The following KMO variants were observed in gnomAD, a reference collection of about 807,000 sequenced individuals.
KMO encodes the protein kynurenine 3-monooxygenase.
KMO carries 24 observed loss-of-function variants against 57.8 expected under a neutral mutation model. That is an observed-to-expected ratio of 0.42 (90% CI 0.30 to 0.58). The LOEUF is 0.58. KMO is among the 20% of genes least tolerant of loss of function. KMO has a pLI of 0.22. For synonymous variants in KMO, 210 were observed against 193.6 expected, an observed-to-expected ratio of 1.08 and a Z score of -0.70; for missense variants, 483 against 588.2, an observed-to-expected ratio of 0.82 and a Z score of 1.85.
chr1:241,593,945 C>A lies in KMO; in HGVS notation c.*1792C>A, dbSNP rs550696432. 1.8e-4 allele frequency: 28 copies of A among 154,700 alleles called. No individual in the cohort carries two copies. Among genetic ancestry groups the A allele is most frequent in the Non-Finnish European group, 2.4e-4 (17 of 69,584 alleles). 9.6% of individuals were successfully genotyped at this position (154,700 alleles called of 1,614,324 possible). On this transcript the variant is annotated 3_prime_UTR_variant, in exon 15 of 15. Transcript: ENST00000366559. ...CTTTTGTTTCCAACAAGAGGATTTT[C>A]TTTTTCATTCTAGAATTATCTCCTT...
At chr1:241,570,359 A>G (rs1662229560) in intron 10 of KMO, among the ~76,000 whole-genome samples, 1 of 152,054 alleles carries the variant, frequency 6.6e-6, no homozygotes, top group African/African-American at 2.4e-5. Context: ...TGCCCAGACC[A>G]CTGTCTTGGA....
chr1:241,533,895 G>A (rs561051780), intron 1 of KMO, among the ~76,000 whole-genome samples: 74 of 152,310 alleles, frequency 4.9e-4, no homozygotes, highest in Non-Finnish European at 9.6e-4. Flanking sequence ...AACTAACTAC[G>A]TGAAGATCTT....
chr1:241,594,631 T>C lies in KMO; in HGVS notation c.*2478T>C. ...TCACTTCCAGCTGCTGGTAGGTCTT[T>C]AGCAGGCCTCTGGCACCTCAGCAGT... On this transcript the variant is annotated 3_prime_UTR_variant, in exon 15 of 15. Coordinates refer to ENST00000366559, the MANE Select transcript of KMO (RefSeq NM_003679.5). 1 of 1,614,132 alleles carries C rather than the reference T, an allele frequency of 6.2e-7. No homozygotes were observed. Among genetic ancestry groups the C allele is most frequent in the Non-Finnish European group, 8.5e-7 (1 of 1,179,980 alleles).
At chr1:241,583,107 A>G (rs1391872769) in intron 10 of KMO, among the ~76,000 whole-genome samples, 9 of 152,144 alleles carry the variant, frequency 5.9e-5, no homozygotes, top group Non-Finnish European at 1.2e-4. Context: ...TACTAGGCAA[A>G]GTATCTCAGT....
intron 9 of KMO, among the ~76,000 whole-genome samples, chr1:241,568,052 G>A (rs916529785): frequency 1.3e-5 from 2 of 152,060 alleles, no homozygotes; most frequent in Non-Finnish European, 2.9e-5. Flanking sequence ...TCCCCCAAAT[G>A]CTAGTTTTAT....
chr1:241,593,789 G>T lies in KMO; in HGVS notation c.*1636G>T, dbSNP rs1231275725. On this transcript the variant is annotated 3_prime_UTR_variant, in exon 15 of 15. Coordinates refer to ENST00000366559, the MANE Select transcript of KMO (RefSeq NM_003679.5). ...AAGAAAAAGAGCTTTGAGTCTGTAG[G>T]GGCAGCAATTTGGGGGAAGCAAATA... 6.5e-6 allele frequency: 1 copy of T among 154,336 alleles called. No homozygotes were observed. Among genetic ancestry groups the T allele is most frequent in the African/African-American group, 2.4e-5 (1 of 41,426 alleles). The allele number at this position is 154,336 out of a possible 1,614,324, so 9.6% of individuals were successfully genotyped here. A position where few individuals can be genotyped will look rare whatever the true frequency, so the allele number is the denominator to read the frequency against.
At chr1:241,581,000 TG>T (rs1488235473) in intron 10 of KMO, among the ~76,000 whole-genome samples, 2 of 152,158 alleles carry the variant, frequency 1.3e-5, no homozygotes, top group Non-Finnish European at 2.9e-5. Context: ...TTTCTATATC[TG>T]GGTGCTCCTG....
chr1:241,573,097 T>C (rs1202099411), intron 10 of KMO, among the ~76,000 whole-genome samples: 1 of 152,162 alleles, frequency 6.6e-6, no homozygotes, highest in East Asian at 1.9e-4. Flanking sequence ...ACAATAAATA[T>C]ACACATGCAA....
chr1:241,580,116 G>T (rs546990434), intron 10 of KMO, among the ~76,000 whole-genome samples: 76 of 152,246 alleles, frequency 5.0e-4, no homozygotes, highest in Admixed American at 1.1e-3. Flanking sequence ...ACACTTTGAG[G>T]ACTTAACAAT....
chr1:241,552,006 T>A (rs1400269423), intron 4 of KMO, among the ~76,000 whole-genome samples: 1 of 117,588 alleles, frequency 8.5e-6, no homozygotes, highest in African/African-American at 2.9e-5. Flanking sequence ...AGGAATGTCC[T>A]GAGGAAGGCC....
chr1:241,564,645 G>T (rs943360970), intron 7 of KMO, among the ~76,000 whole-genome samples: 11 of 151,974 alleles, frequency 7.2e-5, no homozygotes, highest in Non-Finnish European at 1.6e-4. Flanking sequence ...ATATGTGCAT[G>T]TGTGTGTACA....
At position 241,548,902 on chromosome 1, in the gene KMO, C is replaced by G. The variant is rs535381265; in HGVS notation, c.124+4C>G. 4.4e-6 allele frequency: 7 copies of G among 1,597,280 alleles called. No individual in the cohort carries two copies. The highest frequency in any genetic ancestry group is 6.0e-6 in the Non-Finnish European group (7 of 1,165,806). On this transcript the variant is annotated splice_donor_region_variant and intron_variant, in intron 2 of 14. Transcript: ENST00000366559. ...GATGTATATGAAGCTAGGGAAGGTA[C>G]GTCCATGGTGAAAAAAGCAGGATGA...
At chr1:241,585,180 G>A (rs139909348) in intron 10 of KMO, among the ~76,000 whole-genome samples, 3,011 of 152,188 alleles carry the variant, frequency 0.02, 51 homozygotes, top group Non-Finnish European at 0.026. Flanking sequence ...AGTGAGCCGA[G>A]ATTGTGCCAC....
rs1663448014 is a variant in KMO, at chr1:241,594,768, T to C, written c.*2615T>C. 3 of 1,517,386 alleles carry C rather than the reference T, an allele frequency of 2.0e-6. No homozygotes were observed. The highest frequency in any genetic ancestry group is 2.7e-6 in the Non-Finnish European group (3 of 1,121,894). 94.0% of individuals were successfully genotyped at this position (1,517,386 alleles called of 1,614,324 possible). On this transcript the variant is annotated 3_prime_UTR_variant, in exon 15 of 15. Transcript: ENST00000366559. ...CTGGATTAACATTCGAGGAAATCAG[T>C]TGAGCTGAATTTAAGTTGTTTTTTG...
chr1:241,580,354 G>A lies in KMO; in HGVS notation c.958-6325G>A, dbSNP rs568762481. On this transcript the variant is annotated intron_variant, in intron 10 of 14. Transcript: ENST00000366559. Reference sequence around the variant, plus strand: ...CATTGCCTCCAATTCACTGTCTTAGGGGGAAAGATTTTTTCTTTCTTCAAC... The same window carrying A: ...CATTGCCTCCAATTCACTGTCTTAGAGGGAAAGATTTTTTCTTTCTTCAAC... 7.9e-5 allele frequency among the ~76,000 whole-genome samples: 12 copies of A among 152,144 alleles called. No homozygotes were observed. In the East Asian group the frequency reaches 1.9e-3, roughly 24 times the overall value.
intron 10 of KMO, among the ~76,000 whole-genome samples, chr1:241,579,848 C>A (rs1338151292): frequency 6.6e-6 from 1 of 152,170 alleles, no homozygotes; most frequent in Non-Finnish European, 1.5e-5. Flanking sequence ...TTCTCTCAAC[C>A]TGTGACTGCT....
chr1:241,582,210 C>T (rs2147979299), intron 10 of KMO, among the ~76,000 whole-genome samples: 1 of 152,134 alleles, frequency 6.6e-6, no homozygotes, highest in South Asian at 2.1e-4. Flanking sequence ...TATCCTTGAC[C>T]TTTGAGAGTT....
intron 7 of KMO, among the ~76,000 whole-genome samples, chr1:241,563,784 T>C (rs1209612706): frequency 6.6e-6 from 1 of 152,216 alleles, no homozygotes; most frequent in Non-Finnish European, 1.5e-5. Flanking sequence ...GACTCAGACA[T>C]GGGAGCATTT....
intron 4 of KMO, among the ~76,000 whole-genome samples, chr1:241,552,228 T>G (rs988671691): frequency 2.7e-5 from 4 of 148,584 alleles, no homozygotes; most frequent in African/African-American, 1.0e-4. Context: ...CCCAAGAGAG[T>G]GAAAGCGTTG....
Sources: allele counts gnomAD v4.1 joint callset (sites outside exome capture counted in the v4.1 genomes callset), GRCh38; gene constraint gnomAD v4.1.1; transcripts MANE v1.5; gene names NCBI Gene and HGNC (gene_info 2026-07-23, HGNC 2026-07-21).